The following SDHAF3 variants were observed in gnomAD, a reference collection of about 807,000 sequenced individuals.
The protein encoded by SDHAF3 is succinate dehydrogenase assembly factor 3, mitochondrial.
Under a neutral mutation model 11.5 loss-of-function variants are expected in SDHAF3, and 18 were observed. That is an observed-to-expected ratio of 1.56 (90% CI 1.08 to 2.32). The LOEUF (loss-of-function observed/expected upper bound fraction) is 2.32, where lower values mean the gene tolerates loss of function less well. SDHAF3 is among the 30% of genes most tolerant of loss of function. The pLI, the probability that SDHAF3 is intolerant of heterozygous loss-of-function variation, is 0.00. For missense variants in SDHAF3, 200 were observed against 154.4 expected, an observed-to-expected ratio of 1.30 and a Z score of -1.57; for synonymous variants, 72 against 59.3, an observed-to-expected ratio of 1.21 and a Z score of -0.99.
intron 1 of SDHAF3, among the ~76,000 whole-genome samples, chr7:97,164,248 G>A (rs1584230138): frequency 6.6e-6 from 1 of 150,408 alleles, no homozygotes; most frequent in East Asian, 2.0e-4. Context: ...TTTTTTTGGA[G>A]ACGGAGTCTC....
chr7:97,174,278 T>C (rs1789648148), intron 1 of SDHAF3, among the ~76,000 whole-genome samples: 1 of 152,250 alleles, frequency 6.6e-6, no homozygotes, highest in African/African-American at 2.4e-5. Flanking sequence ...AAAATTCTTT[T>C]GTTAAGCTCT....
chr7:97,136,874 C>T lies in SDHAF3; in HGVS notation c.174+18977C>T, dbSNP rs377590652. 5.9e-5 allele frequency among the ~76,000 whole-genome samples: 9 copies of T among 152,022 alleles called. No homozygotes were observed. The East Asian group carries it at 1.2e-3, about 20-fold the overall frequency. Reference sequence around the variant, plus strand: ...ATAATTCATCTTCTTAGTTTGAATGCTTGAAATAGCCATAAGCAGTTACCT... The same window carrying T: ...ATAATTCATCTTCTTAGTTTGAATGTTTGAAATAGCCATAAGCAGTTACCT... On this transcript the variant is annotated intron_variant, in intron 1 of 1. Transcript: ENST00000432641.
chr7:97,136,237 A>AT (rs1187750781), intron 1 of SDHAF3: 13 of 437,190 alleles, frequency 3.0e-5, no homozygotes, highest in East Asian at 1.3e-4. Flanking sequence ...TTATAAACTG[A>AT]TTTTTTTTGA....
chr7:97,129,027 T>C (rs1244435203), intron 1 of SDHAF3, among the ~76,000 whole-genome samples: 2 of 152,110 alleles, frequency 1.3e-5, no homozygotes, highest in African/African-American at 4.8e-5. Flanking sequence ...TTAGAATAAT[T>C]AATTAGTGTA....
intron 1 of SDHAF3, among the ~76,000 whole-genome samples, chr7:97,146,112 TTC>T (rs945701162): frequency 1.7e-5 from 2 of 119,882 alleles, no homozygotes; most frequent in Admixed American, 8.1e-5. Context: ...TAAATAGGCT[TTC>T]CCCCCCCCAC....
chr7:97,140,715 T>A (rs1196167122), intron 1 of SDHAF3, among the ~76,000 whole-genome samples: 1 of 152,186 alleles, frequency 6.6e-6, no homozygotes, highest in Non-Finnish European at 1.5e-5. Flanking sequence ...GTCTTTAATT[T>A]CTTAATCCCG....
At chr7:97,156,626 CA>C (rs1253277483) in intron 1 of SDHAF3, among the ~76,000 whole-genome samples, 1 of 152,020 alleles carries the variant, frequency 6.6e-6, no homozygotes, top group Non-Finnish European at 1.5e-5. Flanking sequence ...AAAGTAAATA[CA>C]GGGGTATAGG....
intron 1 of SDHAF3, among the ~76,000 whole-genome samples, chr7:97,150,800 G>A (rs1190086232): frequency 6.6e-6 from 1 of 151,950 alleles, no homozygotes; most frequent in African/African-American, 2.4e-5. Context: ...CTGACCTTGT[G>A]ATCCTTCCGC....
At chr7:97,140,343 A>ATTT (rs67929691) in intron 1 of SDHAF3, among the ~76,000 whole-genome samples, 3,321 of 112,386 alleles carry the variant, frequency 0.03, 259 homozygotes, top group African/African-American at 0.088. Context: ...TTTTGGTAGT[A>ATTT]TTTTTTTTTT....
intron 1 of SDHAF3, among the ~76,000 whole-genome samples, chr7:97,142,040 GTCTTTT>G (rs1789055019): frequency 1.1e-5 from 1 of 87,916 alleles, no homozygotes; most frequent in African/African-American, 4.3e-5. Context: ...GTGAATTGTT[GTCTTTT>G]TTTTTTTTTT....
intron 1 of SDHAF3, among the ~76,000 whole-genome samples, chr7:97,173,652 A>C (rs566922732): frequency 1.3e-5 from 2 of 150,224 alleles, no homozygotes; most frequent in East Asian, 4.0e-4. Flanking sequence ...TCCCAGGTTG[A>C]TGCCAGTCTC....
chr7:97,136,327 A>G, intron 1 of SDHAF3: 1 of 517,808 alleles, frequency 1.9e-6, no homozygotes. Context: ...TGAATTATCA[A>G]CCTGTAATTT....
chr7:97,178,354 GA>G (rs1209275825), intron 1 of SDHAF3, among the ~76,000 whole-genome samples: 1 of 152,158 alleles, frequency 6.6e-6, no homozygotes, highest in African/African-American at 2.4e-5. Context: ...GTATGTGTTT[GA>G]GTTCCTGTTC....
rs189387766 is a variant in SDHAF3 at position 97,163,641 on chromosome 7, G to T, written c.175-17371G>T. 1.1e-4 allele frequency among the ~76,000 whole-genome samples: 17 copies of T among 152,214 alleles called. No homozygotes were observed. In the East Asian group the frequency reaches 3.1e-3, roughly 28 times the overall value. On this transcript the variant is annotated intron_variant, in intron 1 of 1. Transcript: ENST00000432641. ...CTGTGTCTTTTAACTGGGCCATTTA[G>T]CCCATTAACATTTGAGGTTAATATA... is the stretch of plus-strand genomic sequence containing the variant.
intron 1 of SDHAF3, among the ~76,000 whole-genome samples, chr7:97,156,048 A>G (rs1172119155): frequency 6.6e-6 from 1 of 152,204 alleles, no homozygotes; most frequent in Non-Finnish European, 1.5e-5. Context: ...ACTAAAGTCC[A>G]TTCTTATTCA....
chr7:97,126,271 T>C (rs914744626), intron 1 of SDHAF3, among the ~76,000 whole-genome samples: 2 of 152,192 alleles, frequency 1.3e-5, no homozygotes, highest in Non-Finnish European at 2.9e-5. Flanking sequence ...TCAGGAGGCA[T>C]GGGGGTCAAA....
At chr7:97,118,783 G>T (rs1441982589) in intron 1 of SDHAF3, among the ~76,000 whole-genome samples, 2 of 151,070 alleles carry the variant, frequency 1.3e-5, no homozygotes, top group African/African-American at 4.9e-5. Context: ...AGTCGGCTTT[G>T]TAAAAAAAAA....
At chr7:97,136,294 C>A (rs1791768007) in intron 1 of SDHAF3, 2 of 483,026 alleles carry the variant, frequency 4.1e-6, no homozygotes, top group South Asian at 4.1e-5. Flanking sequence ...TAAAAGAGTT[C>A]TTTTGTGAAT....
intron 1 of SDHAF3, among the ~76,000 whole-genome samples, chr7:97,137,868 CTTTTTTTTTTT>C (rs11381462): frequency 1.4e-5 from 1 of 69,108 alleles, no homozygotes; most frequent in African/African-American, 6.1e-5. Context: ...ATTCCATTCG[CTTTTTTTTTTT>C]TTTTTTTTTT....
Sources: allele counts gnomAD v4.1 joint callset (sites outside exome capture counted in the v4.1 genomes callset), GRCh38; gene constraint gnomAD v4.1.1; transcripts MANE v1.5; gene names NCBI Gene and HGNC (gene_info 2026-07-23, HGNC 2026-07-21).